IQCM: variants seen among roughly 807,000 people sequenced by gnomAD.
The protein encoded by IQCM is IQ domain-containing protein M.
Under a neutral mutation model 57.6 loss-of-function variants are expected in IQCM, and 45 were observed. The observed-to-expected ratio is 0.78, with a 90% confidence interval of 0.62 to 1.00. The LOEUF (loss-of-function observed/expected upper bound fraction) is 1.00. Among genes scored for constraint, IQCM ranks in the 50% least tolerant of loss-of-function variants. IQCM has a pLI of 0.00. For missense variants in IQCM, 468 were observed against 511.6 expected, an observed-to-expected ratio of 0.91 and a Z score of 0.82; for synonymous variants, 148 against 158.9, an observed-to-expected ratio of 0.93 and a Z score of 0.51.
intron 12 of IQCM, among the ~76,000 whole-genome samples, chr4:149,475,593 A>C (rs2149739024): frequency 6.6e-6 from 1 of 152,226 alleles, no homozygotes; most frequent in Non-Finnish European, 1.5e-5. Flanking sequence ...AGAGAAAGAG[A>C]AGAGAGCTAA....
intron 10 of IQCM, among the ~76,000 whole-genome samples, chr4:149,558,704 G>C (rs545400038): frequency 2.5e-4 from 38 of 152,178 alleles, no homozygotes; most frequent in African/African-American, 8.9e-4. Flanking sequence ...CATCACCTGG[G>C]GGAAGAGCTT....
chr4:149,467,979 T>C (rs1009863759), intron 12 of IQCM, among the ~76,000 whole-genome samples: 5 of 152,108 alleles, frequency 3.3e-5, no homozygotes, highest in African/African-American at 1.2e-4. Flanking sequence ...ATATCTGTTA[T>C]TGCATGTTAG....
intron 5 of IQCM, among the ~76,000 whole-genome samples, chr4:149,705,666 A>T (rs1764102664): frequency 6.6e-6 from 1 of 151,914 alleles, no homozygotes; most frequent in Non-Finnish European, 1.5e-5. Context: ...GCACACATAT[A>T]CCTGCACACA....
chr4:149,783,239 T>A (rs1394104744), intron 2 of IQCM, among the ~76,000 whole-genome samples: 2 of 152,242 alleles, frequency 1.3e-5, no homozygotes, highest in Non-Finnish European at 2.9e-5. Flanking sequence ...CAAGTCTTCA[T>A]CTCAGTAAAT....
intron 5 of IQCM, chr4:149,711,108 G>A (rs774699759): frequency 2.6e-5 from 4 of 152,096 alleles, no homozygotes; most frequent in Non-Finnish European, 4.4e-5. Flanking sequence ...CCTTTCTTCT[G>A]AAAGCTTATA....
rs373448987 is a variant in IQCM at position 149,701,769 on chromosome 4, T to C, written c.386-15301A>G. Among the ~76,000 whole-genome samples, 201 of 152,124 alleles carry C rather than the reference T, an allele frequency of 1.3e-3. 1 individual carries two copies. Among genetic ancestry groups the C allele is most frequent in the African/African-American group, 4.5e-3 (185 of 41,536 alleles). On this transcript the variant is annotated intron_variant, in intron 5 of 13. Coordinates refer to ENST00000636793, the MANE Select transcript of IQCM (RefSeq NM_001363507.2). ...GTTAGAGTCAGATGGGAATTTTTGT[T>C]TCATTAACATTCAGAACTTTATCAA...
chr4:149,788,264 G>A (rs1157819230), intron 2 of IQCM, among the ~76,000 whole-genome samples: 1 of 152,158 alleles, frequency 6.6e-6, no homozygotes, highest in Non-Finnish European at 1.5e-5. Flanking sequence ...AACCCAGGAG[G>A]CAGAGGTTGC....
intron 7 of IQCM, among the ~76,000 whole-genome samples, chr4:149,621,803 C>T (rs1756360249): frequency 3.3e-5 from 5 of 151,988 alleles, no homozygotes; most frequent in Admixed American, 2.6e-4. Flanking sequence ...CTACAGAAAC[C>T]ATTTTTCTTT....
intron 2 of IQCM, among the ~76,000 whole-genome samples, chr4:149,766,629 A>ATT (rs759145359): frequency 1.7e-4 from 26 of 152,216 alleles, no homozygotes; most frequent in Non-Finnish European, 3.2e-4. Flanking sequence ...AATAAAGCCC[A>ATT]TTTTATTGTC....
intron 13 of IQCM, among the ~76,000 whole-genome samples, chr4:149,398,905 G>A (rs1310005834): frequency 6.6e-6 from 1 of 151,490 alleles, no homozygotes; most frequent in Non-Finnish European, 1.5e-5. Context: ...TTTTATTTTT[G>A]TTTGTTTTTA....
intron 12 of IQCM, among the ~76,000 whole-genome samples, chr4:149,492,078 C>T (rs1742153962): frequency 6.6e-6 from 1 of 151,952 alleles, no homozygotes; most frequent in African/African-American, 2.4e-5. Context: ...CTATTCAGAT[C>T]TTCTGCCCAT....
At chr4:149,636,826 G>A (rs898503410) in intron 7 of IQCM, among the ~76,000 whole-genome samples, 1 of 152,114 alleles carries the variant, frequency 6.6e-6, no homozygotes, top group Non-Finnish European at 1.5e-5. Flanking sequence ...TGATAAATCC[G>A]AAAGAAAACT....
At chr4:149,402,854 T>C (rs1366679367) in intron 13 of IQCM, among the ~76,000 whole-genome samples, 1 of 151,856 alleles carries the variant, frequency 6.6e-6, no homozygotes, top group Non-Finnish European at 1.5e-5. Context: ...CCTCACAACT[T>C]TGGAGTAGTT....
intron 8 of IQCM, among the ~76,000 whole-genome samples, chr4:149,608,198 T>C (rs1754970035): frequency 6.6e-6 from 1 of 151,848 alleles, no homozygotes; most frequent in Non-Finnish European, 1.5e-5. Context: ...GAGGAGACAA[T>C]ACAGCAAGAG....
intron 5 of IQCM, among the ~76,000 whole-genome samples, chr4:149,722,602 C>T (rs561561656): frequency 1.7e-3 from 263 of 151,970 alleles, no homozygotes; most frequent in African/African-American, 5.2e-3. Context: ...GGTTATAAAG[C>T]ATTTGGCTTT....
At chr4:149,510,181 G>A (rs1744255630) in intron 12 of IQCM, among the ~76,000 whole-genome samples, 2 of 151,910 alleles carry the variant, frequency 1.3e-5, no homozygotes, top group Non-Finnish European at 1.5e-5. Flanking sequence ...CAATTTACTG[G>A]GTTAAAAAGC....
At chr4:149,357,020 G>A (rs1729047321) in intron 13 of IQCM, among the ~76,000 whole-genome samples, 2 of 152,136 alleles carry the variant, frequency 1.3e-5, no homozygotes, top group Non-Finnish European at 2.9e-5. Flanking sequence ...GTGAATGGGA[G>A]TTCACTCATG....
intron 12 of IQCM, among the ~76,000 whole-genome samples, chr4:149,547,407 T>G (rs1715377653): frequency 1.3e-5 from 2 of 152,192 alleles, no homozygotes; most frequent in African/African-American, 4.8e-5. Flanking sequence ...ACACAAATAC[T>G]GTGTAGTCTC....
chr4:149,426,056 C>T (rs991772093), intron 13 of IQCM, among the ~76,000 whole-genome samples: 1 of 151,908 alleles, frequency 6.6e-6, no homozygotes, highest in Non-Finnish European at 1.5e-5. Context: ...TAACATTTCC[C>T]CACACTCCTA....
Sources: gnomAD v4.1 joint callset for allele counts (sites outside exome capture counted in the v4.1 genomes callset) on GRCh38, gnomAD v4.1.1 for gene constraint, MANE v1.5 for transcripts, NCBI Gene and HGNC (gene_info 2026-07-23, HGNC 2026-07-21) for gene names.